SAMMSON: variants seen among roughly 807,000 people sequenced by gnomAD.
SAMMSON encodes the protein long intergenic non-protein coding RNA 1212.
At chr3:70,002,946 G>T (rs2107573941) in intron 1 of SAMMSON, among the ~76,000 whole-genome samples, 1 of 152,218 alleles carries the variant, frequency 6.6e-6, no homozygotes, top group Non-Finnish European at 1.5e-5. Flanking sequence ...CAGAGAAATA[G>T]ATGTTAAAAT....
intron 7 of SAMMSON, among the ~76,000 whole-genome samples, chr3:70,305,871 A>G (rs1279874507): frequency 2.6e-5 from 4 of 152,144 alleles, no homozygotes; most frequent in African/African-American, 4.8e-5. Context: ...TCTATTATGC[A>G]TTTGAGATTT....
At chr3:70,181,270 G>A (rs543535246) in intron 4 of SAMMSON, among the ~76,000 whole-genome samples, 6 of 152,278 alleles carry the variant, frequency 3.9e-5, no homozygotes, top group Non-Finnish European at 5.9e-5. Context: ...ATGAAGCTGC[G>A]TATGTGGTCT....
chr3:70,072,850 A>C (rs898772658), intron 4 of SAMMSON, among the ~76,000 whole-genome samples: 1 of 152,002 alleles, frequency 6.6e-6, no homozygotes, highest in Non-Finnish European at 1.5e-5. Context: ...AAATGTTTAC[A>C]GATTGAAACT....
chr3:70,278,644 A>T (rs1182719364), intron 6 of SAMMSON, among the ~76,000 whole-genome samples: 1 of 152,088 alleles, frequency 6.6e-6, no homozygotes, highest in African/African-American at 2.4e-5. Flanking sequence ...TGGCTCTAGA[A>T]TATGTCTTTT....
At chr3:70,274,924 C>G (rs186308494) in intron 6 of SAMMSON, among the ~76,000 whole-genome samples, 67 of 152,106 alleles carry the variant, frequency 4.4e-4, no homozygotes, top group African/African-American at 1.5e-3. Flanking sequence ...ATTAGTTTGG[C>G]AAAATGAGTT....
intron 3 of SAMMSON, among the ~76,000 whole-genome samples, chr3:70,054,355 A>C (rs527724612): frequency 6.6e-6 from 1 of 152,214 alleles, no homozygotes; most frequent in South Asian, 2.1e-4. Flanking sequence ...CTTGGAATGC[A>C]CAGCAAGGAA....
At chr3:70,247,704 T>G (rs1298471331) in intron 4 of SAMMSON, among the ~76,000 whole-genome samples, 1 of 151,934 alleles carries the variant, frequency 6.6e-6, no homozygotes, top group Non-Finnish European at 1.5e-5. Context: ...TTCTACTGTA[T>G]ACATGCTATG....
Position 70,197,149 on chromosome 3 carries a change from C to G in SAMMSON, n.508-51958C>G, listed in dbSNP as rs149889854. 3.0e-5 allele frequency: 12 copies of G among 398,316 alleles called. No individual in the cohort carries two copies. In the East Asian group the frequency reaches 3.9e-4, roughly 13 times the overall value. 24.7% of individuals were successfully genotyped at this position (398,316 alleles called of 1,614,324 possible). ...CATCAGGAGACAGTCCCAAAACTGG[C>G]AAAACAGACAGGCGAGGATAAGGGA... is the stretch of plus-strand genomic sequence containing the variant. On this transcript the variant is annotated intron_variant and non_coding_transcript_variant, in intron 4 of 9. Transcript: ENST00000642114.
At chr3:70,296,367 T>C (rs1032207766) in intron 7 of SAMMSON, among the ~76,000 whole-genome samples, 1 of 152,186 alleles carries the variant, frequency 6.6e-6, no homozygotes, top group African/African-American at 2.4e-5. Flanking sequence ...TTTCTTACTG[T>C]TAACTATGGG....
At chr3:70,412,313 T>G (rs1278133197) in intron 2 of SAMMSON, among the ~76,000 whole-genome samples, 1 of 152,180 alleles carries the variant, frequency 6.6e-6, no homozygotes, top group Non-Finnish European at 1.5e-5. Flanking sequence ...CTTCTTGAAA[T>G]TATATGCTTA....
chr3:70,276,398 A>G (rs1014990116), intron 6 of SAMMSON, among the ~76,000 whole-genome samples: 3 of 152,344 alleles, frequency 2.0e-5, no homozygotes, highest in African/African-American at 7.2e-5. Context: ...TCTTGTGATT[A>G]TAAGTAAACA....
intron 7 of SAMMSON, among the ~76,000 whole-genome samples, chr3:70,307,838 T>C (rs760675267): frequency 3.3e-5 from 5 of 152,180 alleles, no homozygotes; most frequent in Admixed American, 6.6e-5. Flanking sequence ...ATCGGTTTTC[T>C]CACTTCATTT....
intron 4 of SAMMSON, among the ~76,000 whole-genome samples, chr3:70,213,441 C>T (rs991299226): frequency 6.6e-6 from 1 of 152,042 alleles, no homozygotes; most frequent in Non-Finnish European, 1.5e-5. Flanking sequence ...AACGTATAGA[C>T]CATTTTTTAA....
intron 6 of SAMMSON, among the ~76,000 whole-genome samples, chr3:70,260,574 C>T (rs13089371): frequency 1.3e-5 from 2 of 151,618 alleles, no homozygotes; most frequent in African/African-American, 4.9e-5. Context: ...AAGGGAAGGT[C>T]TGCATATTTT....
At chr3:70,325,457 G>T (rs1033894704) in intron 7 of SAMMSON, among the ~76,000 whole-genome samples, 1 of 152,104 alleles carries the variant, frequency 6.6e-6, no homozygotes, top group African/African-American at 2.4e-5. Context: ...ACTTTCAAGT[G>T]TTCATTTACA....
At chr3:70,257,559 C>T (rs1701828590) in intron 6 of SAMMSON, among the ~76,000 whole-genome samples, 1 of 152,090 alleles carries the variant, frequency 6.6e-6, no homozygotes, top group Middle Eastern at 3.4e-3. Flanking sequence ...ATACGCTTTG[C>T]AATGCCATCA....
At chr3:70,361,352 G>T (rs1234818250) in intron 9 of SAMMSON, among the ~76,000 whole-genome samples, 1 of 152,152 alleles carries the variant, frequency 6.6e-6, no homozygotes, top group African/African-American at 2.4e-5. Flanking sequence ...AATTTTCAAA[G>T]AATTATAAGA....
chr3:70,237,573 A>G (rs1007259552), intron 4 of SAMMSON, among the ~76,000 whole-genome samples: 6 of 152,224 alleles, frequency 3.9e-5, no homozygotes, highest in Non-Finnish European at 8.8e-5. Context: ...TCATTCAAGG[A>G]CAGGCTCTAA....
intron 7 of SAMMSON, among the ~76,000 whole-genome samples, chr3:70,342,604 A>G (rs570985824): frequency 5.3e-4 from 81 of 152,334 alleles, no homozygotes; most frequent in African/African-American, 1.9e-3. Context: ...TACATTTTCC[A>G]ATGGAATCCC....
Sources: gnomAD v4.1 joint callset for allele counts (sites outside exome capture counted in the v4.1 genomes callset) on GRCh38, gnomAD v4.1.1 for gene constraint, MANE v1.5 for transcripts, NCBI Gene and HGNC (gene_info 2026-07-23, HGNC 2026-07-21) for gene names.